CCDC192: variants seen among roughly 807,000 people sequenced by gnomAD.
CCDC192 encodes the protein coiled-coil domain containing 192.
intron 6 of CCDC192, among the ~76,000 whole-genome samples, chr5:127,898,052 G>A (rs1221132257): frequency 1.3e-5 from 2 of 151,398 alleles, no homozygotes; most frequent in African/African-American, 4.9e-5. Context: ...TATATTTAAC[G>A]GGGCCTGAAA....
chr5:127,902,339 A>G (rs1013835239), intron 6 of CCDC192, among the ~76,000 whole-genome samples: 5 of 151,822 alleles, frequency 3.3e-5, no homozygotes, highest in African/African-American at 1.2e-4. Context: ...ACATAACAAC[A>G]GGAAGCTATA....
chr5:127,856,773 T>A (rs1327110196), intron 5 of CCDC192, among the ~76,000 whole-genome samples: 2 of 152,196 alleles, frequency 1.3e-5, no homozygotes, highest in Non-Finnish European at 2.9e-5. Context: ...CAGAGATGGT[T>A]GGTTGGAGCA....
rs534226096 is a variant in CCDC192, at chr5:127,833,327, T to A, written c.411+35165T>A. On this transcript the variant is annotated intron_variant, in intron 5 of 6. Transcript: ENST00000514853. The stretch of plus-strand genomic sequence containing the variant: ...TACATGTTCATCACTTTCAAAATTA[T>A]TTAGGCTTTTAATTCACTGTCCTAT... 9.2e-5 allele frequency among the ~76,000 whole-genome samples: 14 copies of A among 152,316 alleles called. No homozygotes were observed. The South Asian group carries it at 2.9e-3, about 32-fold the overall frequency.
At chr5:127,898,525 A>C (rs562970987) in intron 6 of CCDC192, among the ~76,000 whole-genome samples, 6 of 152,288 alleles carry the variant, frequency 3.9e-5, no homozygotes, top group South Asian at 2.1e-4. Flanking sequence ...AGAAAAACTG[A>C]AATCATGCCC....
chr5:127,754,060 TC>T (rs1754415848), intron 2 of CCDC192, among the ~76,000 whole-genome samples: 1 of 152,224 alleles, frequency 6.6e-6, no homozygotes, highest in African/African-American at 2.4e-5. Context: ...TATTTTTTAC[TC>T]TTTTTACTTT....
intron 3 of CCDC192, among the ~76,000 whole-genome samples, chr5:127,780,108 T>G (rs922394876): frequency 1.3e-5 from 2 of 152,118 alleles, no homozygotes; most frequent in Non-Finnish European, 2.9e-5. Flanking sequence ...TATATCTATA[T>G]TTATCTATAT....
At chr5:127,760,265 G>GGTTT (rs1165440943) in intron 3 of CCDC192, among the ~76,000 whole-genome samples, 90 of 45,120 alleles carry the variant, frequency 2.0e-3, no homozygotes, top group African/African-American at 9.1e-3. Context: ...TTAATACAGT[G>GGTTT]GTTTTTTTTT....
chr5:127,881,675 G>T (rs1429387939), intron 6 of CCDC192, among the ~76,000 whole-genome samples: 7 of 152,190 alleles, frequency 4.6e-5, no homozygotes, highest in Non-Finnish European at 1.0e-4. Context: ...TTAAGTCGAT[G>T]GAAAGTTCAG....
chr5:127,828,360 T>A (rs1749634022), intron 5 of CCDC192, among the ~76,000 whole-genome samples: 1 of 152,178 alleles, frequency 6.6e-6, no homozygotes, highest in Non-Finnish European at 1.5e-5. Context: ...TAGGGAAAAA[T>A]GCATCACACC....
intron 3 of CCDC192, among the ~76,000 whole-genome samples, chr5:127,780,927 T>C (rs1414146405): frequency 6.6e-6 from 1 of 152,180 alleles, no homozygotes; most frequent in Non-Finnish European, 1.5e-5. Flanking sequence ...GTTTTTCCAA[T>C]GTTATCTTTT....
At chr5:127,890,221 T>TA (rs956682940) in intron 6 of CCDC192, among the ~76,000 whole-genome samples, 1 of 151,940 alleles carries the variant, frequency 6.6e-6, no homozygotes, top group African/African-American at 2.4e-5. Context: ...AAAATTTTTT[T>TA]AAAAAAATAG....
chr5:127,852,496 G>A (rs1348719248), intron 5 of CCDC192, among the ~76,000 whole-genome samples: 1 of 152,120 alleles, frequency 6.6e-6, no homozygotes, highest in Non-Finnish European at 1.5e-5. Context: ...AGCCTTCAGA[G>A]CCACAAACTT....
intron 5 of CCDC192, among the ~76,000 whole-genome samples, chr5:127,845,481 C>T (rs542223281): frequency 6.6e-6 from 1 of 152,246 alleles, no homozygotes; most frequent in South Asian, 2.1e-4. Flanking sequence ...CAGACTTGAC[C>T]GAGCTCAGGG....
intron 3 of CCDC192, among the ~76,000 whole-genome samples, chr5:127,762,193 C>G (rs1278028851): frequency 6.6e-6 from 1 of 152,148 alleles, no homozygotes; most frequent in Non-Finnish European, 1.5e-5. Context: ...AATCTGAAAT[C>G]ATGAGTTTTG....
At chr5:127,846,140 T>A (rs956604873) in intron 5 of CCDC192, among the ~76,000 whole-genome samples, 1 of 151,928 alleles carries the variant, frequency 6.6e-6, no homozygotes, top group African/African-American at 2.4e-5. Context: ...AATACAAAAA[T>A]TAGCCAGTGG....
At chr5:127,900,486 C>T (rs1011817113) in intron 6 of CCDC192, among the ~76,000 whole-genome samples, 15 of 152,192 alleles carry the variant, frequency 9.9e-5, no homozygotes, top group South Asian at 4.1e-4. Context: ...TTGGGAAATA[C>T]GATCTGCCAT....
At chr5:127,827,950 A>C (rs1418553721) in intron 5 of CCDC192, among the ~76,000 whole-genome samples, 1 of 152,162 alleles carries the variant, frequency 6.6e-6, no homozygotes. Flanking sequence ...CTTGTTGCCC[A>C]GACTGGAGTG....
chr5:127,774,646 A>G (rs1259391566), intron 3 of CCDC192, among the ~76,000 whole-genome samples: 2 of 152,260 alleles, frequency 1.3e-5, no homozygotes, highest in African/African-American at 4.8e-5. Context: ...TACTATTTGG[A>G]TTACTGTAGC....
rs527696976 is a variant in CCDC192, at chr5:127,797,052, C to A, written c.223-51C>A. On this transcript the variant is annotated intron_variant, in intron 3 of 6. Coordinates refer to ENST00000514853, the MANE Select transcript of CCDC192 (RefSeq NM_001317938.2). ...TTGTAAGTTGAATTTTTAAAAGGAG[C>A]TTTTAAAATATCACTGTACTTACAT... The A allele has an allele frequency of 8.1e-4, 318 of 393,484 alleles. 1 individual carries two copies. Among genetic ancestry groups the A allele is most frequent in the African/African-American group, 5.8e-3 (281 of 48,496 alleles). The allele number at this position is 393,484 out of a possible 1,614,324, so 24.4% of individuals were successfully genotyped here.
Sources: allele counts gnomAD v4.1 joint callset (sites outside exome capture counted in the v4.1 genomes callset), GRCh38; gene constraint gnomAD v4.1.1; transcripts MANE v1.5; gene names NCBI Gene and HGNC (gene_info 2026-07-23, HGNC 2026-07-21).